Variants in GLYR1 observed in about 807,000 individuals in gnomAD.
The protein encoded by GLYR1 is cytokine-like nuclear factor N-PAC.
A neutral mutation model predicts 72.7 loss-of-function variants in GLYR1; 21 were observed. The ratio of observed to expected loss-of-function variants is 0.29; its 90% CI spans 0.20 to 0.42. The LOEUF is 0.42. Among genes scored for constraint, GLYR1 ranks in the 10% least tolerant of loss-of-function variants. GLYR1 has a pLI of 1.00. For missense variants in GLYR1, 594 were observed against 712.1 expected, an observed-to-expected ratio of 0.83 and a Z score of 1.89; for synonymous variants, 392 against 270.2, an observed-to-expected ratio of 1.45 and a Z score of -4.42.
At chr16:4,817,934 T>C (rs939993846) in intron 9 of GLYR1, 8 of 487,114 alleles carry the variant, frequency 1.6e-5, no homozygotes, top group Non-Finnish European at 2.6e-5. Context: ...AACCCCTGAC[T>C]GTCACAGAAA....
intron 5 of GLYR1, among the ~76,000 whole-genome samples, chr16:4,824,685 G>A (rs1226556815): frequency 2.0e-5 from 3 of 152,064 alleles, no homozygotes; most frequent in Non-Finnish European, 4.4e-5. Flanking sequence ...TCCTGAGACG[G>A]ACACAGGAGG....
At chr16:4,824,512 A>AAG (rs1046049263) in intron 5 of GLYR1, among the ~76,000 whole-genome samples, 1 of 151,446 alleles carries the variant, frequency 6.6e-6, no homozygotes, top group African/African-American at 2.4e-5. Flanking sequence ...AAAAAAAAAA[A>AAG]AAAGAAAAAA....
At chr16:4,822,735 A>G (rs1008339343) in intron 7 of GLYR1, 140 bp downstream of exon 7, 42 of 713,416 alleles carry the variant, frequency 5.9e-5, no homozygotes, top group Non-Finnish European at 7.7e-5. Context: ...TAGCGGGCCC[A>G]TATGGGGGCT....
rs574215074 is a variant in GLYR1 at position 4,813,471 on chromosome 16, C to T, written c.1119+266G>A. Among the ~76,000 whole-genome samples the T allele has an allele frequency of 3.9e-5, 6 of 152,284 alleles. No individual in the cohort carries two copies. In the East Asian group the frequency reaches 7.7e-4, roughly 20 times the overall value. On this transcript the variant is annotated intron_variant, in intron 12 of 15. Transcript: ENST00000321919. ...CAGCTGCTCAAACCCCAATGCCAGG[C>T]GGGCGGCCTGGGTTGCTTCTCATCA...
chr16:4,818,511 G>T (rs558719068), intron 9 of GLYR1, among the ~76,000 whole-genome samples: 3 of 151,676 alleles, frequency 2.0e-5, no homozygotes, highest in African/African-American at 7.2e-5. Context: ...TTGGACTCCT[G>T]GGCTTAAGGG....
At position 4,832,785 on chromosome 16, in the gene GLYR1, C is replaced by G. The variant is rs1256760445; in HGVS notation, c.283G>C (p.Gly95Arg). ...ATTGTGTCTCTCACCTGGTCTTTCC[C>G]TTTGGCTCTCCTGAGGAACTCTTCG... is the stretch of plus-strand genomic sequence containing the variant. ...AVEEFLRRAK[G>R]KDQTSSHNSS... The change falls in exon 4 of 16, where the codon GGG becomes CGG. Residue 95 changes from glycine (G) to arginine (R), a missense_variant. Around this residue, in one of 5 missense-constraint regions of GLYR1, gnomAD observed 252 missense variants for 211.3 expected, o/e 1.19. Coordinates refer to ENST00000321919, the MANE Select transcript of GLYR1 (RefSeq NM_032569.4). The G allele has an allele frequency of 1.9e-6, 3 of 1,609,320 alleles. No homozygotes were observed. Among genetic ancestry groups the G allele is most frequent in the Non-Finnish European group, 2.5e-6 (3 of 1,177,824 alleles).
intron 3 of GLYR1, chr16:4,843,679 G>A (rs1275420568): frequency 2.4e-6 from 3 of 1,249,438 alleles, no homozygotes; most frequent in Middle Eastern, 2.4e-4. Context: ...ATAATATATC[G>A]CTTTCTAAGT....
intron 15 of GLYR1, 113 bp downstream of exon 15, chr16:4,811,057 A>G (rs1271261760): frequency 1.5e-6 from 2 of 1,334,360 alleles, no homozygotes; most frequent in Admixed American, 2.6e-5. Flanking sequence ...TTGAGCTGAG[A>G]TCGCACCAGT....
intron 3 of GLYR1, among the ~76,000 whole-genome samples, chr16:4,844,644 C>G (rs1030297432): frequency 6.6e-6 from 1 of 152,140 alleles, no homozygotes; most frequent in African/African-American, 2.4e-5. Context: ...ACCTGTGGTC[C>G]CAGCTACTCG....
At chr16:4,840,903 C>A (rs993594400) in intron 3 of GLYR1, among the ~76,000 whole-genome samples, 2 of 152,232 alleles carry the variant, frequency 1.3e-5, no homozygotes, top group Non-Finnish European at 2.9e-5. Flanking sequence ...TGCCCCAGCA[C>A]TGATCACTAA....
At chr16:4,833,016 G>A in intron 3 of GLYR1, 104 bp from the exon 4 acceptor site, 3 of 1,126,840 alleles carry the variant, frequency 2.7e-6, no homozygotes, top group South Asian at 2.1e-5. Flanking sequence ...TGGTTTAACT[G>A]GACTTTGCAA....
intron 14 of GLYR1, 104 bp from the exon 15 acceptor site, chr16:4,811,398 T>G: frequency 6.7e-7 from 1 of 1,497,246 alleles, no homozygotes. Flanking sequence ...AGGGCTCAGT[T>G]CCACATAGCC....
At chr16:4,807,083 G>T (rs1186894817) in intron 15 of GLYR1, among the ~76,000 whole-genome samples, 1 of 148,430 alleles carries the variant, frequency 6.7e-6, no homozygotes, top group Non-Finnish European at 1.5e-5. Context: ...TGGGATTACA[G>T]GCGTGAGCCA....
intron 3 of GLYR1, among the ~76,000 whole-genome samples, chr16:4,837,385 C>T (rs1315915480): frequency 6.6e-6 from 1 of 151,180 alleles, no homozygotes; most frequent in Non-Finnish European, 1.5e-5. Context: ...GAGTGCAGAT[C>T]GTGCTACTGC....
chr16:4,839,434 T>C (rs1204820626), intron 3 of GLYR1: 1 of 152,064 alleles, frequency 6.6e-6, no homozygotes, highest in East Asian at 1.9e-4. Flanking sequence ...TCTACTCTGA[T>C]GGGGGGGTCA....
At position 4,803,332 on chromosome 16, in the gene GLYR1, A is replaced by C. The variant is rs1447104013; in HGVS notation, c.*1904T>G. The C allele has an allele frequency of 6.5e-6, 1 of 152,698 alleles. No individual in the cohort carries two copies. Among genetic ancestry groups the C allele is most frequent in the African/African-American group, 2.4e-5 (1 of 41,464 alleles). 9.5% of individuals were successfully genotyped at this position (152,698 alleles called of 1,614,324 possible). ...AAAGACAAATGTTCATTAAAAACAA[A>C]GCAAAAATAAAAATTCACAACCTTA... On this transcript the variant is annotated 3_prime_UTR_variant, in exon 16 of 16. Transcript: ENST00000321919.
At chr16:4,834,242 T>TA (rs1309586892) in intron 3 of GLYR1, among the ~76,000 whole-genome samples, 2 of 150,866 alleles carry the variant, frequency 1.3e-5, no homozygotes, top group East Asian at 3.9e-4. Context: ...TGAATGGAGA[T>TA]ACAGAAGCTG....
intron 15 of GLYR1, among the ~76,000 whole-genome samples, chr16:4,809,669 A>G (rs1346906208): frequency 6.6e-6 from 1 of 151,560 alleles, no homozygotes; most frequent in African/African-American, 2.4e-5. Context: ...CATGCCTGTC[A>G]TCCCAGCACT....
At chr16:4,843,548 C>T in intron 3 of GLYR1, 2 of 1,289,088 alleles carry the variant, frequency 1.6e-6, no homozygotes, top group African/African-American at 1.5e-5. Context: ...CCTTGAAATA[C>T]TGCCACCACA....
Sources: gnomAD v4.1 joint callset for allele counts (sites outside exome capture counted in the v4.1 genomes callset) on GRCh38, gnomAD v4.1.1 for gene constraint, gnomAD v4.1.1 regional missense constraint, MANE v1.5 for transcripts, NCBI Gene and HGNC (gene_info 2026-07-23, HGNC 2026-07-21) for gene names.